LTBP1: variants seen among roughly 807,000 people sequenced by gnomAD.
The protein encoded by LTBP1 is latent transforming growth factor beta binding protein 1, also known as latent-transforming growth factor beta-binding protein 1.
Under a neutral mutation model 207.6 loss-of-function variants are expected in LTBP1, and 129 were observed. The observed-to-expected ratio is 0.62, with a 90% CI of 0.54 to 0.72. The LOEUF is 0.72. LTBP1 is among the 30% of genes least tolerant of loss of function. The pLI is 0.00. For missense variants in LTBP1, 2,281 were observed against 2,217.2 expected (o/e 1.03, Z -0.58); for synonymous variants, 963 against 833.7 (o/e 1.16, Z -2.67).
chr2:33,030,557 C>CT (rs2075646824), intron 3 of LTBP1, among the ~76,000 whole-genome samples: 1 of 152,178 alleles, frequency 6.6e-6, no homozygotes, highest in Non-Finnish European at 1.5e-5. Context: ...ACCTGTGAGT[C>CT]TAAACAGTTG....
intron 20 of LTBP1, among the ~76,000 whole-genome samples, chr2:33,300,164 G>T (rs2093957851): frequency 6.6e-6 from 1 of 152,132 alleles, no homozygotes; most frequent in South Asian, 2.1e-4. Context: ...TCTGTTTGCA[G>T]CTCTAAAATA....
intron 19 of LTBP1, among the ~76,000 whole-genome samples, chr2:33,291,123 A>G (rs1175054124): frequency 6.6e-6 from 1 of 152,198 alleles, no homozygotes; most frequent in Non-Finnish European, 1.5e-5. Flanking sequence ...CCATGCAATT[A>G]TGTCTATAAT....
chr2:33,026,010 T>C (rs1410924239), intron 3 of LTBP1, among the ~76,000 whole-genome samples: 1 of 152,070 alleles, frequency 6.6e-6, no homozygotes. Flanking sequence ...TAATTGACAA[T>C]AGTAACAATA....
chr2:33,011,012 C>T (rs1177422985), intron 2 of LTBP1, among the ~76,000 whole-genome samples: 2 of 152,078 alleles, frequency 1.3e-5, no homozygotes, highest in African/African-American at 4.8e-5. Flanking sequence ...GCCACCAGGC[C>T]CGGCCTAATC....
At chr2:33,191,295 T>C (rs1397920941) in intron 7 of LTBP1, among the ~76,000 whole-genome samples, 2 of 152,244 alleles carry the variant, frequency 1.3e-5, no homozygotes, top group Non-Finnish European at 2.9e-5. Flanking sequence ...ATGAATTGGC[T>C]AATTGATGGA....
chr2:32,952,892 G>A (rs1677395799), intron 2 of LTBP1, among the ~76,000 whole-genome samples: 1 of 152,200 alleles, frequency 6.6e-6, no homozygotes, highest in African/African-American at 2.4e-5. Flanking sequence ...CAAAGCGGGT[G>A]CCTGGCACAT....
intron 3 of LTBP1, among the ~76,000 whole-genome samples, chr2:33,080,228 A>G (rs2078315985): frequency 1.3e-5 from 2 of 152,090 alleles, no homozygotes; most frequent in Non-Finnish European, 2.9e-5. Flanking sequence ...GGGTTTCACC[A>G]TGTTGGCCAG....
intron 4 of LTBP1, among the ~76,000 whole-genome samples, chr2:33,125,829 CA>C (rs34059321): frequency 0.57 from 74,970 of 131,428 alleles, 19,569 homozygotes; most frequent in African/African-American, 0.65. Context: ...GACTCCGTCT[CA>C]AAAAAAAAAA....
chr2:33,057,426 G>C (rs1018585634), intron 3 of LTBP1, among the ~76,000 whole-genome samples: 1 of 152,230 alleles, frequency 6.6e-6, no homozygotes, highest in Non-Finnish European at 1.5e-5. Context: ...CCATGCGCCT[G>C]CACTCCTCAG....
intron 24 of LTBP1, among the ~76,000 whole-genome samples, chr2:33,335,677 C>A (rs1573898837): frequency 6.6e-6 from 1 of 152,262 alleles, no homozygotes; most frequent in East Asian, 1.9e-4. Context: ...GCTTGTGGGC[C>A]AGCAGCCATG....
At chr2:33,058,990 A>G (rs1356192042) in intron 3 of LTBP1, among the ~76,000 whole-genome samples, 4 of 152,210 alleles carry the variant, frequency 2.6e-5, no homozygotes, top group Non-Finnish European at 4.4e-5. Context: ...TTATTTTCAC[A>G]GCCATACACA....
At chr2:33,228,697 C>CTTTTTTTTTTTTTTTTTG (rs2091598310) in intron 9 of LTBP1, among the ~76,000 whole-genome samples, 1 of 99,060 alleles carries the variant, frequency 1.0e-5, no homozygotes, top group Non-Finnish European at 1.9e-5. Flanking sequence ...GGGTTATACC[C>CTTTTTTTTTTTTTTTTTG]TTTTTTTTTT....
intron 6 of LTBP1, among the ~76,000 whole-genome samples, chr2:33,188,196 G>A (rs56282338): frequency 0.44 from 66,873 of 151,900 alleles, 15,387 homozygotes; most frequent in Non-Finnish European, 0.5. Context: ...CAAGGCAGGC[G>A]GATCACCTGA....
At chr2:33,398,047 C>T (rs1379832607) in intron 33 of LTBP1, among the ~76,000 whole-genome samples, 2 of 152,136 alleles carry the variant, frequency 1.3e-5, no homozygotes, top group Non-Finnish European at 2.9e-5. Flanking sequence ...ACAAATCTAG[C>T]AGTTCCTCCA....
At chr2:33,171,057 G>A (rs1269677437) in intron 5 of LTBP1, among the ~76,000 whole-genome samples, 1 of 140,822 alleles carries the variant, frequency 7.1e-6, no homozygotes. Context: ...CACAAAGATG[G>A]GGAAAAAACA....
intron 31 of LTBP1, among the ~76,000 whole-genome samples, chr2:33,388,546 G>T (rs560576939): frequency 1.8e-3 from 273 of 152,300 alleles, no homozygotes; most frequent in African/African-American, 6.4e-3. Flanking sequence ...TAAGTGCTTA[G>T]AACAGTATCT....
At chr2:33,220,934 T>C (rs972476218) in intron 8 of LTBP1, among the ~76,000 whole-genome samples, 5 of 152,326 alleles carry the variant, frequency 3.3e-5, no homozygotes, top group South Asian at 2.1e-4. Flanking sequence ...CCAGTACATA[T>C]TCACCCTGTT....
intron 25 of LTBP1, among the ~76,000 whole-genome samples, chr2:33,345,521 A>G (rs2094690308): frequency 6.6e-6 from 1 of 152,228 alleles, no homozygotes; most frequent in African/African-American, 2.4e-5. Context: ...AAAATTGATC[A>G]ATGTGAACTG....
intron 24 of LTBP1, among the ~76,000 whole-genome samples, chr2:33,327,479 A>AT (rs2094442163): frequency 6.6e-6 from 1 of 152,352 alleles, no homozygotes; most frequent in East Asian, 1.9e-4. Flanking sequence ...CTCCCATGAC[A>AT]TAGAGTGGGT....
Sources: allele counts gnomAD v4.1 joint callset (sites outside exome capture counted in the v4.1 genomes callset), GRCh38; gene constraint gnomAD v4.1.1; transcripts MANE v1.5; gene names NCBI Gene and HGNC (gene_info 2026-07-23, HGNC 2026-07-21).